Variants in LRRFIP1 observed in about 807,000 individuals in gnomAD.
The protein encoded by LRRFIP1 is LRR binding FLII interacting protein 1.
A neutral mutation model predicts 104.4 loss-of-function variants in LRRFIP1; 62 were observed. That is an observed-to-expected ratio of 0.59 (90% CI 0.48 to 0.73). The LOEUF (loss-of-function observed/expected upper bound fraction) is 0.73, where lower values mean the gene tolerates loss of function less well. LRRFIP1 is among the 30% of genes least tolerant of loss of function. The pLI is 0.00. For synonymous variants in LRRFIP1, 300 were observed against 299.0 expected, an observed-to-expected ratio of 1.00 and a Z score of -0.03; for missense variants, 796 against 824.5, an observed-to-expected ratio of 0.97 and a Z score of 0.42.
At chr2:237,681,048 A>T (rs758153596) in intron 1 of LRRFIP1, among the ~76,000 whole-genome samples, 1 of 152,226 alleles carries the variant, frequency 6.6e-6, no homozygotes, top group Non-Finnish European at 1.5e-5. Context: ...TGGAAGAATA[A>T]ATGGAGAGGC....
intron 19 of LRRFIP1, chr2:237,763,740 C>T (rs760079458): frequency 6.2e-7 from 1 of 1,614,218 alleles, no homozygotes; most frequent in Non-Finnish European, 8.5e-7. Flanking sequence ...GATGGAGACA[C>T]ATTAGATTTT....
intron 1 of LRRFIP1, among the ~76,000 whole-genome samples, chr2:237,682,645 C>T (rs2091960109): frequency 6.6e-6 from 1 of 152,224 alleles, no homozygotes; most frequent in South Asian, 2.1e-4. Context: ...GGATTACATC[C>T]CTTGGTGTGA....
chr2:237,741,845 A>T (rs1281093782), intron 11 of LRRFIP1, among the ~76,000 whole-genome samples: 1 of 152,016 alleles, frequency 6.6e-6, no homozygotes, highest in Non-Finnish European at 1.5e-5. Context: ...AAGAAAAAAG[A>T]AAAAAAAGAA....
intron 1 of LRRFIP1, among the ~76,000 whole-genome samples, chr2:237,646,881 CAGACTG>C (rs1204816308): frequency 1.3e-5 from 2 of 152,016 alleles, no homozygotes; most frequent in Non-Finnish European, 2.9e-5. Context: ...GCAGCCTAAG[CAGACTG>C]AGACAGGCAG....
intron 1 of LRRFIP1, among the ~76,000 whole-genome samples, chr2:237,698,282 G>A (rs982710724): frequency 6.6e-6 from 1 of 152,192 alleles, no homozygotes; most frequent in Non-Finnish European, 1.5e-5. Flanking sequence ...TAAAGATTAC[G>A]TCCCCTCCTA....
chr2:237,761,008 C>G (rs1192075804), intron 19 of LRRFIP1, among the ~76,000 whole-genome samples: 1 of 152,204 alleles, frequency 6.6e-6, no homozygotes, highest in Non-Finnish European at 1.5e-5. Flanking sequence ...GAGGCCTCAT[C>G]TGTCACTGGT....
At chr2:237,723,649 G>C in intron 7 of LRRFIP1, 63 bp downstream of exon 7, 1 of 1,588,940 alleles carries the variant, frequency 6.3e-7, no homozygotes, top group South Asian at 1.1e-5. Context: ...ATAATAACCT[G>C]TGGTATTTCC....
intron 19 of LRRFIP1, chr2:237,768,128 C>T (rs189140191): frequency 1.1e-4 from 17 of 152,276 alleles, no homozygotes; most frequent in Admixed American, 9.8e-4. Context: ...TGGTTTTTAA[C>T]GCTACGAAAA....
At chr2:237,680,960 A>G (rs1161218599) in intron 1 of LRRFIP1, among the ~76,000 whole-genome samples, 8 of 152,198 alleles carry the variant, frequency 5.3e-5, no homozygotes, top group Non-Finnish European at 2.9e-5. Context: ...CAGGCTGGGT[A>G]GCACAGTGAG....
Position 237,709,678 on chromosome 2 carries a change from C to T in LRRFIP1, c.183+1048C>T, listed in dbSNP as rs1434530753. The stretch of plus-strand genomic sequence containing the variant: ...CCACAGGTCTAATGTGCTCATTGCC[C>T]TCCGCTGCTAGGAGTTTGCCGCTCC... On this transcript the variant is annotated intron_variant, in intron 2 of 23. Transcript: ENST00000308482. 2.0e-5 allele frequency among the ~76,000 whole-genome samples: 3 copies of T among 152,242 alleles called. No individual in the cohort carries two copies. The East Asian group carries it at 5.8e-4, about 29-fold the overall frequency.
chr2:237,762,813 A>G (rs778609445), intron 19 of LRRFIP1: 39 of 1,614,112 alleles, frequency 2.4e-5, no homozygotes, highest in East Asian at 4.5e-5. Flanking sequence ...GGTGCTACCT[A>G]TGAGGAACAG....
At chr2:237,752,090 C>T (rs1476171535) in intron 14 of LRRFIP1, among the ~76,000 whole-genome samples, 1 of 152,196 alleles carries the variant, frequency 6.6e-6, no homozygotes, top group Non-Finnish European at 1.5e-5. Flanking sequence ...AAAAATAAGA[C>T]TCTGGCTTTC....
chr2:237,678,140 C>T (rs540744574), intron 1 of LRRFIP1, among the ~76,000 whole-genome samples: 1 of 151,974 alleles, frequency 6.6e-6, no homozygotes, highest in Admixed American at 6.6e-5. Context: ...ATCTGGCTCT[C>T]GAAGTTCAAG....
At chr2:237,739,342 G>T in intron 11 of LRRFIP1, 33 bp downstream of exon 11, 3 of 1,528,666 alleles carry the variant, frequency 2.0e-6, no homozygotes, top group Non-Finnish European at 2.6e-6. Flanking sequence ...CTCCTACTCA[G>T]TGTCACCCTC....
rs538041488 is a variant in LRRFIP1 at position 237,670,648 on chromosome 2, C to T, written c.97-37896C>T. ...ACACAGCGCCTGCAGGGCCAGCACT[C>T]GGTGGCAGTCTAAGGAATGTCTGTC... is the stretch of plus-strand genomic sequence containing the variant. On this transcript the variant is annotated intron_variant, in intron 1 of 23. Coordinates refer to ENST00000308482, the MANE Select transcript of LRRFIP1 (RefSeq NM_001137550.2). Among the ~76,000 whole-genome samples the T allele has an allele frequency of 2.2e-3, 342 of 152,344 alleles. 1 individual carries two copies. Among genetic ancestry groups the T allele is most frequent in the Middle Eastern group, 6.8e-3 (2 of 294 alleles).
intron 1 of LRRFIP1, among the ~76,000 whole-genome samples, chr2:237,671,098 A>G (rs546630328): frequency 4.3e-4 from 66 of 152,316 alleles, no homozygotes; most frequent in Admixed American, 5.2e-4. Context: ...GCATATGAAG[A>G]GTCCAGAGAT....
rs1400841262 is a variant in LRRFIP1, at chr2:237,735,138, C to A, written c.490-130C>A. The A allele has an allele frequency of 1.5e-6, 1 of 668,024 alleles. No individual in the cohort carries two copies. The highest frequency in any genetic ancestry group is 2.5e-6 in the Non-Finnish European group (1 of 392,874). The allele number at this position is 668,024 out of a possible 1,614,324, so 41.4% of individuals were successfully genotyped here. ...AAGAGCTGGAAAGGTGGTTCTCAGCCTCCCCTGCATGCTTTTTCAGGTCAT... is the reference window on the plus strand; with the variant it reads ...AAGAGCTGGAAAGGTGGTTCTCAGCATCCCCTGCATGCTTTTTCAGGTCAT... On this transcript the variant is annotated intron_variant, in intron 9 of 23. Coordinates refer to ENST00000308482, the MANE Select transcript of LRRFIP1 (RefSeq NM_001137550.2). This position sits in a 1 kb window ranked among gnomAD's most constrained non-coding sequence, Gnocchi z 4.6.
chr2:237,689,497 C>G (rs561281196), intron 1 of LRRFIP1, among the ~76,000 whole-genome samples: 6 of 152,164 alleles, frequency 3.9e-5, no homozygotes, highest in African/African-American at 1.4e-4. Context: ...TGGTAATGTT[C>G]ATTTGTTCCT....
chr2:237,763,911 G>A, intron 19 of LRRFIP1: 1 of 1,614,252 alleles, frequency 6.2e-7, no homozygotes. Flanking sequence ...GAACATGAAA[G>A]TCCCTCACAG....
Sources: allele counts gnomAD v4.1 joint callset (sites outside exome capture counted in the v4.1 genomes callset), GRCh38; gene constraint gnomAD v4.1.1; non-coding constraint Gnocchi (gnomAD v3.1); transcripts MANE v1.5; gene names NCBI Gene and HGNC (gene_info 2026-07-23, HGNC 2026-07-21).